PTPRT: variants seen among roughly 807,000 people sequenced by gnomAD.
The protein encoded by PTPRT is receptor-type tyrosine-protein phosphatase T.
Under a neutral mutation model 176.8 loss-of-function variants are expected in PTPRT, and 56 were observed. The observed-to-expected ratio is 0.32, with a 90% CI of 0.26 to 0.40. PTPRT has a LOEUF of 0.40. Ranked by LOEUF, PTPRT falls within the 10% of genes least tolerant of loss-of-function variation. PTPRT has a pLI of 1.00. For missense variants in PTPRT, 1,540 were observed against 1,908.2 expected, an observed-to-expected ratio of 0.81 and a Z score of 3.60; for synonymous variants, 783 against 739.0, an observed-to-expected ratio of 1.06 and a Z score of -0.96.
intron 2 of PTPRT, among the ~76,000 whole-genome samples, chr20:42,825,474 C>G (rs1265312577): frequency 6.6e-6 from 1 of 151,886 alleles, no homozygotes; most frequent in Non-Finnish European, 1.5e-5. Flanking sequence ...GAAAAAAAAG[C>G]CATGTAACAG....
chr20:42,699,325 CT>C (rs1290981288), intron 6 of PTPRT, among the ~76,000 whole-genome samples: 1 of 152,126 alleles, frequency 6.6e-6, no homozygotes, highest in East Asian at 1.9e-4. Context: ...CTTCAAGGCC[CT>C]GTTAATATTG....
intron 18 of PTPRT, among the ~76,000 whole-genome samples, 170 bp from the exon 19 acceptor site, chr20:42,129,000 G>A (rs1184596167): frequency 6.6e-6 from 1 of 152,172 alleles, no homozygotes; most frequent in East Asian, 1.9e-4. Context: ...TGAGGAAGTG[G>A]AGGCTCAGGG....
intron 12 of PTPRT, among the ~76,000 whole-genome samples, chr20:42,302,805 G>A (rs913611201): frequency 7.2e-5 from 11 of 152,302 alleles, no homozygotes; most frequent in Admixed American, 3.9e-4. Context: ...GACCAATGAA[G>A]GCACAATTCT....
intron 6 of PTPRT, among the ~76,000 whole-genome samples, chr20:42,691,545 A>G (rs1401100203): frequency 6.6e-6 from 1 of 152,194 alleles, no homozygotes; most frequent in Non-Finnish European, 1.5e-5. Context: ...GCTTATCCAT[A>G]GAGCCTACTC....
chr20:42,517,140 T>G (rs768021520), intron 7 of PTPRT, among the ~76,000 whole-genome samples: 37 of 152,170 alleles, frequency 2.4e-4, no homozygotes, highest in Admixed American at 1.1e-3. Context: ...TGGTAAAACT[T>G]GCCTATTAAA....
intron 3 of PTPRT, among the ~76,000 whole-genome samples, chr20:42,790,404 G>T (rs889028532): frequency 2.6e-4 from 38 of 144,266 alleles, no homozygotes; most frequent in African/African-American, 9.9e-4. Context: ...TCATTGCCAT[G>T]ATTTTTTTTT....
chr20:42,622,846 C>A (rs2074223636), intron 7 of PTPRT, among the ~76,000 whole-genome samples: 1 of 152,284 alleles, frequency 6.6e-6, no homozygotes, highest in Non-Finnish European at 1.5e-5. Flanking sequence ...AGTTCCCGGG[C>A]AAAGGCCCCC....
chr20:42,731,448 GC>G (rs1053825235), intron 6 of PTPRT, among the ~76,000 whole-genome samples: 1 of 152,122 alleles, frequency 6.6e-6, no homozygotes, highest in African/African-American at 2.4e-5. Context: ...ACACAGGCAG[GC>G]CCCCGAGCCT....
At chr20:42,470,201 T>C (rs1394652362) in intron 8 of PTPRT, among the ~76,000 whole-genome samples, 1 of 152,184 alleles carries the variant, frequency 6.6e-6, no homozygotes, top group Non-Finnish European at 1.5e-5. Flanking sequence ...TGAGACTCTA[T>C]CCTTTACCTG....
At chr20:43,175,238 C>G (rs373045051) in intron 1 of PTPRT, among the ~76,000 whole-genome samples, 2 of 152,208 alleles carry the variant, frequency 1.3e-5, no homozygotes, top group African/African-American at 4.8e-5. Flanking sequence ...GTCCCCTCCA[C>G]GGGCCCCATG....
intron 2 of PTPRT, among the ~76,000 whole-genome samples, chr20:42,796,131 C>A (rs1050280143): frequency 1.3e-5 from 2 of 152,114 alleles, no homozygotes; most frequent in African/African-American, 4.8e-5. Flanking sequence ...ATACTCAAAC[C>A]AATTATTCCT....
intron 7 of PTPRT, among the ~76,000 whole-genome samples, chr20:42,501,642 G>T (rs1416129225): frequency 1.3e-5 from 2 of 152,112 alleles, no homozygotes; most frequent in African/African-American, 2.4e-5. Context: ...TGGCAGTGTT[G>T]AATAGTTGTG....
chr20:42,997,199 C>G (rs751505655), intron 1 of PTPRT, among the ~76,000 whole-genome samples: 4 of 152,064 alleles, frequency 2.6e-5, no homozygotes, highest in African/African-American at 4.8e-5. Flanking sequence ...TACACTGTGA[C>G]TTTGCCACTG....
chr20:42,698,814 T>C (rs1160220341), intron 6 of PTPRT, among the ~76,000 whole-genome samples: 1 of 152,088 alleles, frequency 6.6e-6, no homozygotes, highest in Admixed American at 6.6e-5. Flanking sequence ...CATCTCTGTG[T>C]GTCTAACTCT....
intron 7 of PTPRT, among the ~76,000 whole-genome samples, chr20:42,640,498 C>T (rs1035496196): frequency 6.6e-5 from 10 of 152,026 alleles, no homozygotes; most frequent in Admixed American, 3.9e-4. Context: ...AAGTGATTCT[C>T]GTGCCTCAGG....
intron 16 of PTPRT, among the ~76,000 whole-genome samples, chr20:42,166,900 T>C (rs1042953226): frequency 6.7e-6 from 1 of 150,244 alleles, no homozygotes; most frequent in Non-Finnish European, 1.5e-5. Flanking sequence ...CAGCCAGGGG[T>C]GACAGAGCAA....
intron 5 of PTPRT, among the ~76,000 whole-genome samples, chr20:42,757,053 A>T (rs1014549996): frequency 5.6e-5 from 4 of 71,506 alleles, no homozygotes; most frequent in African/African-American, 9.9e-5. Flanking sequence ...CTGCCTCTTT[A>T]AAAAAAAAAA....
Position 42,559,360 on chromosome 20 carries a change from C to T in PTPRT, c.1154-86798G>A, listed in dbSNP as rs12479489. ...GCAAGGCTAGATGGGGGAAGCTTCT[C>T]GTCTTAGCAACATATGTAACTTATG... On this transcript the variant is annotated intron_variant, in intron 7 of 30. Coordinates refer to ENST00000373187, the MANE Select transcript of PTPRT (RefSeq NM_007050.6). 1.4e-3 allele frequency among the ~76,000 whole-genome samples: 207 copies of T among 152,258 alleles called. 4 individuals are homozygous for T. The highest frequency in any genetic ancestry group is 0.011 in the Admixed American group (172 of 15,286).
chr20:42,291,180 C>A (rs1191550277), intron 12 of PTPRT, among the ~76,000 whole-genome samples: 1 of 152,102 alleles, frequency 6.6e-6, no homozygotes, highest in Non-Finnish European at 1.5e-5. Flanking sequence ...GTGCTGAGAT[C>A]CTGAAAGTCT....
Sources: allele counts gnomAD v4.1 joint callset (sites outside exome capture counted in the v4.1 genomes callset), GRCh38; gene constraint gnomAD v4.1.1; transcripts MANE v1.5; gene names NCBI Gene and HGNC (gene_info 2026-07-23, HGNC 2026-07-21).